ACOX2: variants seen among roughly 807,000 people sequenced by gnomAD.
ACOX2 encodes peroxisomal acyl-coenzyme A oxidase 2.
Under a neutral mutation model 77.5 loss-of-function variants are expected in ACOX2, and 59 were observed. That is an observed-to-expected ratio of 0.76 (90% CI 0.62 to 0.95). The LOEUF (loss-of-function observed/expected upper bound fraction) is 0.95, where lower values mean the gene tolerates loss of function less well. Among genes scored for constraint, ACOX2 ranks in the 40% least tolerant of loss-of-function variants. The pLI is 0.00. For missense variants in ACOX2, 837 were observed against 880.4 expected, an observed-to-expected ratio of 0.95 and a Z score of 0.62; for synonymous variants, 317 against 340.1, an observed-to-expected ratio of 0.93 and a Z score of 0.75.
At chr3:58,510,949 G>A (rs1202147906) in intron 13 of ACOX2, 2 of 456,038 alleles carry the variant, frequency 4.4e-6, no homozygotes, top group South Asian at 1.5e-5. Flanking sequence ...TTCATTTACT[G>A]TTTCTTTTTC....
At chr3:58,507,558 G>A (rs1355181830) in intron 14 of ACOX2, among the ~76,000 whole-genome samples, 5 of 152,204 alleles carry the variant, frequency 3.3e-5, no homozygotes, top group Non-Finnish European at 5.9e-5. Flanking sequence ...ATTTCTGACA[G>A]GTGTTATAGC....
chr3:58,534,383 A>G lies in ACOX2; in HGVS notation c.300T>C (p.Gly100=), dbSNP rs1378896932. ...ACCTGTAAGCGTAGCCTAATTCACG[A>G]CCATCTTCTAACCAACCCAGGCGCC... ...IARRLGWLED[G]RELGYAYRAL... is the part of the protein sequence containing the mutation. The change falls in exon 3 of 15, where the codon GGT becomes GGC. Residue 100 remains glycine, a synonymous_variant. Transcript: ENST00000302819. This position sits in a 1 kb window ranked among gnomAD's most constrained non-coding sequence, Gnocchi z 4.8. The G allele has an allele frequency of 6.2e-7, 1 of 1,614,150 alleles. No homozygotes were observed. Among genetic ancestry groups the G allele is most frequent in the Admixed American group, 1.7e-5 (1 of 60,026 alleles).
intron 13 of ACOX2, among the ~76,000 whole-genome samples, chr3:58,513,097 C>A (rs979584985): frequency 6.6e-6 from 1 of 152,190 alleles, no homozygotes; most frequent in Admixed American, 6.5e-5. Flanking sequence ...CCTTCTCTGG[C>A]CTACTTAAAA....
chr3:58,530,841 C>T (rs1038912118), intron 7 of ACOX2, among the ~76,000 whole-genome samples: 4 of 152,152 alleles, frequency 2.6e-5, no homozygotes, highest in Non-Finnish European at 5.9e-5. Context: ...GACCTCCCCA[C>T]GACCCATAAC....
In ACOX2 at chr3:58,535,121, G is replaced by A. The variant is rs902924466; in HGVS notation, c.-15C>T. ...GGGCTGCCCATCCTATCCTGGATCTGTCTGGTGACTATGGAGAGACACTTC... is the reference window on the plus strand; with the variant it reads ...GGGCTGCCCATCCTATCCTGGATCTATCTGGTGACTATGGAGAGACACTTC... On this transcript the variant is annotated 5_prime_UTR_variant, in exon 2 of 15. Transcript: ENST00000302819. This position sits in a 1 kb window ranked among gnomAD's most constrained non-coding sequence, Gnocchi z 4.8. The A allele has an allele frequency of 4.3e-6, 7 of 1,614,026 alleles. No individual in the cohort carries two copies. Among genetic ancestry groups the A allele is most frequent in the Non-Finnish European group, 5.9e-6 (7 of 1,180,028 alleles).
In ACOX2 at chr3:58,535,227, G is replaced by C. The variant is rs962107431; in HGVS notation, c.-91-30C>G. 9.2e-6 allele frequency: 12 copies of C among 1,303,030 alleles called. No homozygotes were observed. Among genetic ancestry groups the C allele is most frequent in the Admixed American group, 1.9e-5 (1 of 53,984 alleles). 80.7% of individuals were successfully genotyped at this position (1,303,030 alleles called of 1,614,324 possible). On this transcript the variant is annotated intron_variant, in intron 1 of 14. Coordinates refer to ENST00000302819, the MANE Select transcript of ACOX2 (RefSeq NM_003500.4). The surrounding 1 kb of genome is among the most constrained non-coding windows in gnomAD (Gnocchi z 4.8). The stretch of plus-strand genomic sequence containing the variant: ...GTGCAAGAGGAACTGCCTAGGGCTG[G>C]GTGTCAGCCAGGGCTGGTTGGTAGA...
chr3:58,531,887 G>A lies in ACOX2; in HGVS notation c.584-75C>T. 1 of 1,508,618 alleles carries A rather than the reference G, an allele frequency of 6.6e-7. No individual in the cohort carries two copies. 93.5% of individuals were successfully genotyped at this position (1,508,618 alleles called of 1,614,324 possible). On this transcript the variant is annotated intron_variant, in intron 5 of 14. Transcript: ENST00000302819. This position sits in a 1 kb window ranked among gnomAD's most constrained non-coding sequence, Gnocchi z 5.8. ...TTTTCCCAACCAACCCAGCCTCCTG[G>A]GGCTGGGGTTTTGGATGGGTACCTC...
Position 58,534,487 on chromosome 3 carries a change from T to C in ACOX2, c.196A>G (p.Lys66Glu). 6.2e-7 allele frequency: 1 copy of C among 1,614,188 alleles called. No homozygotes were observed. The highest frequency in any genetic ancestry group is 1.1e-5 in the South Asian group (1 of 91,084). The stretch of plus-strand genomic sequence containing the variant: ...TTCTGGGTCATGAAATAATTGTCCT[T>C]ACAGCTAAACTCCGGGTAACTGTGG... ...IIHSYPEFSC[K>E]DNYFMTQNER... The change falls in exon 3 of 15, where the codon AAG (lysine) becomes GAG (glutamate). Residue 66 changes from lysine (K) to glutamate (E), a missense_variant. Coordinates refer to ENST00000302819, the MANE Select transcript of ACOX2 (RefSeq NM_003500.4). This position sits in a 1 kb window ranked among gnomAD's most constrained non-coding sequence, Gnocchi z 4.8.
In ACOX2 at chr3:58,534,359, C is replaced by T. The variant is rs756867122; in HGVS notation, c.323+1G>A. The T allele has an allele frequency of 6.2e-7, 1 of 1,614,124 alleles. No individual in the cohort carries two copies. ...AGTGGGGCTGCTCGAGGAGTGAGCA[C>T]CTGTAAGCGTAGCCTAATTCACGAC... On this transcript the variant is annotated splice_donor_variant, in intron 3 of 14. Transcript: ENST00000302819. LOFTEE classifies it high-confidence loss of function. The surrounding 1 kb of genome is among the most constrained non-coding windows in gnomAD (Gnocchi z 4.8).
In ACOX2 at chr3:58,531,478, A is replaced by T; in HGVS notation, c.704-112T>A. 8.0e-7 allele frequency: 1 copy of T among 1,244,632 alleles called. No individual in the cohort carries two copies. Among genetic ancestry groups the T allele is most frequent in the Non-Finnish European group, 1.1e-6 (1 of 886,942 alleles). The allele number at this position is 1,244,632 out of a possible 1,614,324, so 77.1% of individuals were successfully genotyped here. ...CAGCCTGTGACACTGGGATTATTGT[A>T]CCTATTTTGCAGGTGAACAAGCTGA... On this transcript the variant is annotated intron_variant, in intron 6 of 14. Coordinates refer to ENST00000302819, the MANE Select transcript of ACOX2 (RefSeq NM_003500.4). This position sits in a 1 kb window ranked among gnomAD's most constrained non-coding sequence, Gnocchi z 5.8.
chr3:58,527,866 A>ATTTT (rs34861027), intron 9 of ACOX2, among the ~76,000 whole-genome samples: 1 of 132,004 alleles, frequency 7.6e-6, no homozygotes. Flanking sequence ...CTAATTTTTC[A>ATTTT]TTTTTTTTTT....
Position 58,524,419 on chromosome 3 carries a change from G to T in ACOX2, c.1526+7C>A, listed in dbSNP as rs750563206. The stretch of plus-strand genomic sequence containing the variant: ...GTGGGATGGCTGATTTCTCAGCACT[G>T]GCTTACCTTACTGCCACATGTGCCC... On this transcript the variant is annotated splice_region_variant and intron_variant, in intron 11 of 14. Coordinates refer to ENST00000302819, the MANE Select transcript of ACOX2 (RefSeq NM_003500.4). The surrounding 1 kb of genome is among the most constrained non-coding windows in gnomAD (Gnocchi z 5.5). 1 of 1,611,550 alleles carries T rather than the reference G, an allele frequency of 6.2e-7. No homozygotes were observed. The highest frequency in any genetic ancestry group is 1.1e-5 in the South Asian group (1 of 91,004).
intron 12 of ACOX2, among the ~76,000 whole-genome samples, chr3:58,520,370 G>A (rs2107997585): frequency 6.6e-6 from 1 of 152,348 alleles, no homozygotes; most frequent in South Asian, 2.1e-4. Context: ...ATTATAATGA[G>A]GCCAGCATTT....
chr3:58,524,775 G>A lies in ACOX2; in HGVS notation c.1347-170C>T, dbSNP rs1275585433. Among the ~76,000 whole-genome samples the A allele has an allele frequency of 2.6e-5, 4 of 152,226 alleles. No homozygotes were observed. The highest frequency in any genetic ancestry group is 4.8e-5 in the African/African-American group (2 of 41,470). On this transcript the variant is annotated intron_variant, in intron 10 of 14. Coordinates refer to ENST00000302819, the MANE Select transcript of ACOX2 (RefSeq NM_003500.4). This position sits in a 1 kb window ranked among gnomAD's most constrained non-coding sequence, Gnocchi z 5.5. ...CCTCCTGAGGGTTCCCCCTCGGGCC[G>A]TCCTGCCTCGAGGCCCTCAGTCAGG...
rs1344246134 is a variant in ACOX2 at position 58,522,052 on chromosome 3, G to A, written c.1632+444C>T. The stretch of plus-strand genomic sequence containing the variant: ...TCCCTGTCATGGTGCTTCCTTGATT[G>A]TAGCCGTGCATGGGCAGTGGCTTCA... On this transcript the variant is annotated intron_variant, in intron 12 of 14. Transcript: ENST00000302819. The surrounding 1 kb of genome is among the most constrained non-coding windows in gnomAD (Gnocchi z 4.3). Among the ~76,000 whole-genome samples, 2 of 152,198 alleles carry A rather than the reference G, an allele frequency of 1.3e-5. No individual in the cohort carries two copies. Among genetic ancestry groups the A allele is most frequent in the Non-Finnish European group, 2.9e-5 (2 of 68,044 alleles).
At chr3:58,518,209 T>C (rs922157703) in intron 12 of ACOX2, among the ~76,000 whole-genome samples, 1 of 152,040 alleles carries the variant, frequency 6.6e-6, no homozygotes, top group African/African-American at 2.4e-5. Context: ...AAGATATATA[T>C]GAAATTTATT....
chr3:58,518,920 G>A (rs1207251796), intron 12 of ACOX2, among the ~76,000 whole-genome samples: 3 of 151,964 alleles, frequency 2.0e-5, no homozygotes, highest in Admixed American at 6.6e-5. Context: ...GATTACAGGC[G>A]TGAGCCTCTG....
chr3:58,531,781 C>G lies in ACOX2; in HGVS notation c.615G>C (p.Gln205His), dbSNP rs751940054. Reference sequence around the variant, plus strand: ...TGGCTCCTGAGCAGATCAGCTGGGCCTGGACCAGGGCATGGGTGGCTGACC... The same window carrying G: ...TGGCTCCTGAGCAGATCAGCTGGGCGTGGACCAGGGCATGGGTGGCTGACC... ...LGRSATHALV[Q>H]AQLICSGARR... is the part of the protein sequence containing the mutation. Residue 205 changes from glutamine (Q) to histidine (H), a missense_variant, in exon 6 of 15, where the codon CAG becomes CAC. Physicochemically the swap from Gln to His is conservative, Grantham distance 24 (BLOSUM62 0). Transcript: ENST00000302819. The surrounding 1 kb of genome is among the most constrained non-coding windows in gnomAD (Gnocchi z 5.8). The G allele has an allele frequency of 6.2e-6, 10 of 1,614,010 alleles. No homozygotes were observed. In the East Asian group the frequency reaches 2.2e-4, roughly 36 times the overall value.
chr3:58,531,158 A>G lies in ACOX2; in HGVS notation c.819+93T>C. The G allele has an allele frequency of 8.6e-7, 1 of 1,157,070 alleles. No individual in the cohort carries two copies. Among genetic ancestry groups the G allele is most frequent in the Non-Finnish European group, 1.2e-6 (1 of 808,982 alleles). The allele number at this position is 1,157,070 out of a possible 1,614,324, so 71.7% of individuals were successfully genotyped here. A position where few individuals can be genotyped will look rare whatever the true frequency, so the allele number is the denominator to read the frequency against. On this transcript the variant is annotated intron_variant, in intron 7 of 14. Coordinates refer to ENST00000302819, the MANE Select transcript of ACOX2 (RefSeq NM_003500.4). This position sits in a 1 kb window ranked among gnomAD's most constrained non-coding sequence, Gnocchi z 5.8. ...TGGGGGAGGAGGTTATGTGGCCCAA[A>G]CTAAGCTCTATGGAGGACCCAGGCC...
Sources: allele counts gnomAD v4.1 joint callset (sites outside exome capture counted in the v4.1 genomes callset), GRCh38; gene constraint gnomAD v4.1.1; non-coding constraint Gnocchi (gnomAD v3.1); transcripts MANE v1.5; gene names NCBI Gene and HGNC (gene_info 2026-07-23, HGNC 2026-07-21).